PALMD: variants seen among roughly 807,000 people sequenced by gnomAD.
PALMD encodes the protein palmdelphin.
PALMD carries 42 observed loss-of-function variants against 56.2 expected under a neutral mutation model. That is an observed-to-expected ratio of 0.75 (90% CI 0.58 to 0.97). The LOEUF (loss-of-function observed/expected upper bound fraction) is 0.97. Ranked by LOEUF, PALMD falls within the 50% of genes least tolerant of loss-of-function variation. The pLI, the probability that PALMD is intolerant of heterozygous loss-of-function variation, is 0.00. For synonymous variants in PALMD, 242 were observed against 222.9 expected, an observed-to-expected ratio of 1.09 and a Z score of -0.76; for missense variants, 660 against 643.8, an observed-to-expected ratio of 1.03 and a Z score of -0.27.
At chr1:99,660,014 C>A (rs1652811425) in intron 1 of PALMD, among the ~76,000 whole-genome samples, 1 of 152,196 alleles carries the variant, frequency 6.6e-6, no homozygotes, top group Non-Finnish European at 1.5e-5. Context: ...CCCAAACTGG[C>A]AATGAGCAGG....
Position 99,677,614 on chromosome 1 carries a change from A to T in PALMD, c.252-9062A>T, listed in dbSNP as rs187073520. Among the ~76,000 whole-genome samples the T allele has an allele frequency of 2.0e-5, 3 of 152,308 alleles. No homozygotes were observed. The East Asian group carries it at 5.8e-4, about 29-fold the overall frequency. The stretch of plus-strand genomic sequence containing the variant: ...CAAGCAGTTCAATTTTAATGGCATG[A>T]CCTGACAGTTGCAGATGTCAATTCT... On this transcript the variant is annotated intron_variant, in intron 3 of 7. Transcript: ENST00000263174.
intron 3 of PALMD, chr1:99,685,497 A>C (rs1027738416): frequency 6.6e-6 from 1 of 152,236 alleles, no homozygotes; most frequent in African/African-American, 2.4e-5. Context: ...AAACCTCCTC[A>C]GTTATAAACG....
intron 7 of PALMD, among the ~76,000 whole-genome samples, chr1:99,692,604 C>T (rs528810040): frequency 6.6e-6 from 1 of 152,098 alleles, no homozygotes; most frequent in African/African-American, 2.4e-5. Context: ...CTCTGAATGT[C>T]CACAGCACAC....
intron 7 of PALMD, 68 bp downstream of exon 7, chr1:99,689,940 G>A: frequency 6.8e-7 from 1 of 1,461,860 alleles, no homozygotes; most frequent in Non-Finnish European, 9.1e-7. Flanking sequence ...TGCTAATGCA[G>A]TCTTGCTTTC....
intron 2 of PALMD, among the ~76,000 whole-genome samples, chr1:99,664,261 A>C (rs1652914208): frequency 6.6e-6 from 1 of 152,206 alleles, no homozygotes; most frequent in African/African-American, 2.4e-5. Context: ...TAGTTGTTTT[A>C]ATTTAAACTA....
chr1:99,687,273 T>A, intron 6 of PALMD, 84 bp downstream of exon 6: 1 of 1,429,898 alleles, frequency 7.0e-7, no homozygotes, highest in Non-Finnish European at 9.3e-7. Context: ...TATGACATAT[T>A]ATTCTTCCAG....
chr1:99,693,503 A>G (rs1232155298), intron 7 of PALMD, among the ~76,000 whole-genome samples: 2 of 152,206 alleles, frequency 1.3e-5, no homozygotes, highest in Non-Finnish European at 2.9e-5. Flanking sequence ...TAATCACTCC[A>G]GCTTTTAATA....
chr1:99,679,575 T>C (rs1027951168), intron 3 of PALMD, among the ~76,000 whole-genome samples: 2 of 152,204 alleles, frequency 1.3e-5, no homozygotes, highest in Admixed American at 1.3e-4. Context: ...ATTACCTTTG[T>C]ATATAATGGG....
chr1:99,653,655 T>C (rs1332940705), intron 1 of PALMD, among the ~76,000 whole-genome samples: 1 of 152,174 alleles, frequency 6.6e-6, no homozygotes, highest in Non-Finnish European at 1.5e-5. Context: ...AACTTCTTTA[T>C]CCACGTCCTC....
chr1:99,653,093 A>G (rs1214463239), intron 1 of PALMD, among the ~76,000 whole-genome samples: 1 of 152,182 alleles, frequency 6.6e-6, no homozygotes, highest in Admixed American at 6.6e-5. Flanking sequence ...TTCTCAAGAC[A>G]AAGACATCCT....
In PALMD at chr1:99,687,069, T is replaced by C; in HGVS notation, c.401-7T>C. 1.3e-6 allele frequency: 2 copies of C among 1,575,276 alleles called. No homozygotes were observed. Among genetic ancestry groups the C allele is most frequent in the Non-Finnish European group, 1.7e-6 (2 of 1,152,682 alleles). ...AAATGTATTTTGAATTCATATTAAT[T>C]TTACAGAGTCAATTGAGGACATCTA... On this transcript the variant is annotated splice_region_variant and splice_polypyrimidine_tract_variant and intron_variant, in intron 5 of 7. Transcript: ENST00000263174.
At chr1:99,660,094 T>A (rs1652812977) in intron 1 of PALMD, among the ~76,000 whole-genome samples, 14 of 152,242 alleles carry the variant, frequency 9.2e-5, no homozygotes. Context: ...TATGGGCTTT[T>A]CACGGAGAGC....
At chr1:99,665,351 A>C (rs1324255412) in intron 2 of PALMD, among the ~76,000 whole-genome samples, 1 of 152,174 alleles carries the variant, frequency 6.6e-6, no homozygotes, top group Non-Finnish European at 1.5e-5. Context: ...CCACTAAAGC[A>C]CAAGTCTAAA....
intron 1 of PALMD, among the ~76,000 whole-genome samples, chr1:99,654,762 T>C (rs944333011): frequency 6.6e-5 from 10 of 152,160 alleles, no homozygotes; most frequent in Non-Finnish European, 5.9e-5. Flanking sequence ...ACTTTTTAAA[T>C]TTCATCAAGG....
chr1:99,682,495 C>T (rs757757682), intron 3 of PALMD, among the ~76,000 whole-genome samples: 44 of 152,088 alleles, frequency 2.9e-4, no homozygotes, highest in Non-Finnish European at 5.6e-4. Context: ...TTAACAGATA[C>T]GCTGATGAGG....
At chr1:99,674,373 A>G (rs2100866218) in intron 3 of PALMD, among the ~76,000 whole-genome samples, 1 of 152,260 alleles carries the variant, frequency 6.6e-6, no homozygotes, top group South Asian at 2.1e-4. Flanking sequence ...GAGAATGACA[A>G]TTCTCTGAGG....
chr1:99,687,248 A>G (rs1653523848), intron 6 of PALMD, 59 bp downstream of exon 6: 2 of 1,523,368 alleles, frequency 1.3e-6, no homozygotes, highest in Admixed American at 2.2e-5. Context: ...ACAGTGTCAA[A>G]TATTCACAAC....
chr1:99,687,406 G>C (rs1199533807), intron 6 of PALMD, among the ~76,000 whole-genome samples: 1 of 152,036 alleles, frequency 6.6e-6, no homozygotes, highest in African/African-American at 2.4e-5. Context: ...AACCAGACAG[G>C]GATAAGGAAG....
intron 7 of PALMD, among the ~76,000 whole-genome samples, chr1:99,691,480 A>T (rs1653650722): frequency 6.6e-6 from 1 of 152,196 alleles, no homozygotes; most frequent in Non-Finnish European, 1.5e-5. Context: ...CTGTATTATC[A>T]ATCAAAGTAT....
Sources: gnomAD v4.1 joint callset for allele counts (sites outside exome capture counted in the v4.1 genomes callset) on GRCh38, gnomAD v4.1.1 for gene constraint, MANE v1.5 for transcripts, NCBI Gene and HGNC (gene_info 2026-07-23, HGNC 2026-07-21) for gene names.